The following AGBL4 variants were observed in gnomAD, a reference collection of about 807,000 sequenced individuals.
The protein encoded by AGBL4 is cytosolic carboxypeptidase 6.
A neutral mutation model predicts 66.4 loss-of-function variants in AGBL4; 58 were observed. That is an observed-to-expected ratio of 0.87 (90% CI 0.71 to 1.09). AGBL4 has a LOEUF of 1.09. Ranked by LOEUF, AGBL4 falls within the 50% of genes least tolerant of loss-of-function variation. The pLI, the probability that AGBL4 is intolerant of heterozygous loss-of-function variation, is 0.00. For synonymous variants in AGBL4, 234 were observed against 222.9 expected (o/e 1.05, Z -0.44); for missense variants, 579 against 631.0 (o/e 0.92, Z 0.88).
intron 6 of AGBL4, among the ~76,000 whole-genome samples, chr1:48,810,891 C>T (rs190254554): frequency 1.5e-3 from 230 of 152,236 alleles, no homozygotes; most frequent in African/African-American, 5.1e-3. Flanking sequence ...GACCTTTGGA[C>T]GATGCTAGTT....
chr1:49,831,597 T>A (rs750569448), intron 2 of AGBL4, among the ~76,000 whole-genome samples: 2 of 152,192 alleles, frequency 1.3e-5, no homozygotes, highest in Non-Finnish European at 2.9e-5. Context: ...TTGAATACCC[T>A]TTATTTCTTT....
intron 3 of AGBL4, among the ~76,000 whole-genome samples, chr1:49,444,177 A>G (rs146647652): frequency 6.6e-6 from 1 of 152,124 alleles, no homozygotes; most frequent in East Asian, 1.9e-4. Context: ...TTGTGGCCTA[A>G]CATATGGTCT....
At chr1:49,231,534 C>G (rs1650309801) in intron 4 of AGBL4, among the ~76,000 whole-genome samples, 3 of 152,202 alleles carry the variant, frequency 2.0e-5, no homozygotes, top group Admixed American at 2.0e-4. Flanking sequence ...TCTGTCTCAG[C>G]AAGACTCTTT....
At chr1:49,297,929 AAC>A (rs1023153593) in intron 3 of AGBL4, among the ~76,000 whole-genome samples, 5 of 152,160 alleles carry the variant, frequency 3.3e-5, no homozygotes, top group African/African-American at 1.2e-4. Flanking sequence ...CTCCAATGCA[AAC>A]ACACATGGCA....
chr1:49,709,201 T>C (rs978875466), intron 2 of AGBL4, among the ~76,000 whole-genome samples: 3 of 152,152 alleles, frequency 2.0e-5, no homozygotes, highest in Non-Finnish European at 2.9e-5. Flanking sequence ...AGATGGGAGT[T>C]TTATCTATAA....
intron 4 of AGBL4, among the ~76,000 whole-genome samples, chr1:49,157,998 A>AG (rs1384492598): frequency 6.6e-6 from 1 of 152,106 alleles, no homozygotes; most frequent in African/African-American, 2.4e-5. Context: ...TCAGATGGAT[A>AG]GATTGCAAAA....
intron 11 of AGBL4, among the ~76,000 whole-genome samples, chr1:48,583,102 C>T (rs1031144149): frequency 7.2e-5 from 11 of 152,278 alleles, no homozygotes; most frequent in Middle Eastern, 3.4e-3. Flanking sequence ...ATCAGTGGAA[C>T]GGCACATCTC....
At chr1:48,682,791 A>T (rs1486412631) in intron 6 of AGBL4, among the ~76,000 whole-genome samples, 1 of 152,202 alleles carries the variant, frequency 6.6e-6, no homozygotes, top group Non-Finnish European at 1.5e-5. Flanking sequence ...TAATCGTGTC[A>T]AGTTTGGCCA....
At chr1:49,739,987 G>T (rs544616332) in intron 2 of AGBL4, among the ~76,000 whole-genome samples, 1 of 152,138 alleles carries the variant, frequency 6.6e-6, no homozygotes, top group Admixed American at 6.5e-5. Flanking sequence ...GGAAGAAACT[G>T]CATCAACTAA....
chr1:49,517,058 G>A (rs1397359897), intron 3 of AGBL4, among the ~76,000 whole-genome samples: 1 of 151,940 alleles, frequency 6.6e-6, no homozygotes. Flanking sequence ...TAATCTCGAT[G>A]TTGTGAAGGT....
chr1:48,603,334 G>A (rs1645103810), intron 9 of AGBL4, among the ~76,000 whole-genome samples: 1 of 152,182 alleles, frequency 6.6e-6, no homozygotes, highest in Non-Finnish European at 1.5e-5. Flanking sequence ...GCTGAGTGTG[G>A]TAGTGCATGC....
intron 3 of AGBL4, among the ~76,000 whole-genome samples, chr1:49,405,647 G>C (rs1171077939): frequency 1.3e-5 from 2 of 152,024 alleles, no homozygotes; most frequent in African/African-American, 4.8e-5. Context: ...TCTTCCCTTT[G>C]ATGAGGTGTA....
At chr1:49,373,168 C>G (rs1355298992) in intron 3 of AGBL4, among the ~76,000 whole-genome samples, 1 of 152,184 alleles carries the variant, frequency 6.6e-6, no homozygotes, top group African/African-American at 2.4e-5. Context: ...CCCACTTTGT[C>G]CTGTATAACA....
At chr1:49,316,861 G>A (rs901812113) in intron 3 of AGBL4, among the ~76,000 whole-genome samples, 1 of 151,692 alleles carries the variant, frequency 6.6e-6, no homozygotes, top group Non-Finnish European at 1.5e-5. Flanking sequence ...CTAAAGGATA[G>A]GTAAAATAAA....
At chr1:49,874,591 G>A (rs1397575503) in intron 1 of AGBL4, among the ~76,000 whole-genome samples, 1 of 152,050 alleles carries the variant, frequency 6.6e-6, no homozygotes, top group African/African-American at 2.4e-5. Flanking sequence ...AATTACCTAT[G>A]ACTCATATCC....
chr1:49,966,002 C>T (rs1306311226), intron 1 of AGBL4, among the ~76,000 whole-genome samples: 1 of 146,236 alleles, frequency 6.8e-6, no homozygotes, highest in Admixed American at 6.9e-5. Context: ...AGTGCAGTGG[C>T]GCGATCTTGG....
intron 3 of AGBL4, among the ~76,000 whole-genome samples, chr1:49,287,302 G>A (rs1644436236): frequency 1.4e-5 from 2 of 144,122 alleles, no homozygotes; most frequent in African/African-American, 5.2e-5. Context: ...CATAGGCATG[G>A]GCAAGGACTT....
At chr1:49,507,867 T>A (rs1283452358) in intron 3 of AGBL4, among the ~76,000 whole-genome samples, 1 of 151,804 alleles carries the variant, frequency 6.6e-6, no homozygotes, top group Non-Finnish European at 1.5e-5. Context: ...CCTACCACTC[T>A]GAAACTTAAG....
intron 2 of AGBL4, among the ~76,000 whole-genome samples, chr1:49,803,692 G>A (rs528064367): frequency 8.5e-5 from 13 of 152,124 alleles, no homozygotes; most frequent in African/African-American, 2.2e-4. Context: ...TCAACGTGTC[G>A]CTGACATAAT....
Sources: gnomAD v4.1 joint callset for allele counts (sites outside exome capture counted in the v4.1 genomes callset) on GRCh38, gnomAD v4.1.1 for gene constraint, MANE v1.5 for transcripts, NCBI Gene and HGNC (gene_info 2026-07-23, HGNC 2026-07-21) for gene names.